ST13: variants seen among roughly 807,000 people sequenced by gnomAD.
ST13 encodes hsc70-interacting protein.
Under a neutral mutation model 56.7 loss-of-function variants are expected in ST13, and 23 were observed. The observed-to-expected ratio is 0.41, with a 90% confidence interval of 0.29 to 0.57. The LOEUF (loss-of-function observed/expected upper bound fraction) is 0.57, where lower values mean the gene tolerates loss of function less well. ST13 is among the 20% of genes least tolerant of loss of function. The pLI, the probability that ST13 is intolerant of heterozygous loss-of-function variation, is 0.36. For missense variants in ST13, 369 were observed against 459.9 expected (o/e 0.80, Z 1.81); for synonymous variants, 132 against 142.4 (o/e 0.93, Z 0.52).
At chr22:40,828,650 T>C (rs1007967218) in intron 10 of ST13, among the ~76,000 whole-genome samples, 2 of 151,776 alleles carry the variant, frequency 1.3e-5, no homozygotes, top group African/African-American at 2.4e-5. Context: ...AAAGACAACA[T>C]TAATGTATTC....
chr22:40,835,953 C>A, intron 5 of ST13, 66 bp from the exon 6 acceptor site: 1 of 1,244,980 alleles, frequency 8.0e-7, no homozygotes, highest in South Asian at 1.3e-5. Context: ...AAGTTTTGAT[C>A]TGTTATCCAG....
chr22:40,838,332 G>C (rs1737603323), intron 5 of ST13, among the ~76,000 whole-genome samples: 1 of 152,118 alleles, frequency 6.6e-6, no homozygotes, highest in Admixed American at 6.5e-5. Flanking sequence ...CTATACAATT[G>C]CATAAATTCT....
rs1418441874 is a variant in ST13 at position 40,851,001 on chromosome 22, G to C, written c.111-121C>G. Reference sequence around the variant, plus strand: ...ATGACTACCTTTTCAAAATTTAAAAGTAAACTCTCAATTAATCTGAATGCT... The same window carrying C: ...ATGACTACCTTTTCAAAATTTAAAACTAAACTCTCAATTAATCTGAATGCT... On this transcript the variant is annotated intron_variant, in intron 1 of 11. Coordinates refer to ENST00000216218, the MANE Select transcript of ST13 (RefSeq NM_003932.5). 4.5e-6 allele frequency: 3 copies of C among 666,812 alleles called. No homozygotes were observed. In the African/African-American group the frequency reaches 5.6e-5, roughly 12 times the overall value. The allele number at this position is 666,812 out of a possible 1,614,324, so 41.3% of individuals were successfully genotyped here.
rs1033150615 is a variant in ST13, at chr22:40,847,019, CA to C, written c.244+1274del. ...TTCCAAAAAAACCCCAAAAAAACAA[CA>C]AAAAAAAACTGATTCAAAATTTAAA... On this transcript the variant is annotated intron_variant, in intron 3 of 11. Transcript: ENST00000216218. Among the ~76,000 whole-genome samples, 11 of 150,460 alleles carry C rather than the reference CA, an allele frequency of 7.3e-5. No homozygotes were observed. The East Asian group carries it at 1.8e-3, about 24-fold the overall frequency.
chr22:40,842,463 A>G (rs1338920441), intron 4 of ST13, among the ~76,000 whole-genome samples: 1 of 152,268 alleles, frequency 6.6e-6, no homozygotes, highest in Non-Finnish European at 1.5e-5. Context: ...ATAACCAAGT[A>G]GACTTCAAAA....
chr22:40,842,104 G>A (rs2145742472), intron 4 of ST13, among the ~76,000 whole-genome samples: 1 of 152,276 alleles, frequency 6.6e-6, no homozygotes, highest in Non-Finnish European at 1.5e-5. Flanking sequence ...CAGAGCCACA[G>A]CCAGCCTTTC....
At chr22:40,851,463 C>T (rs1485368730) in intron 1 of ST13, among the ~76,000 whole-genome samples, 1 of 152,158 alleles carries the variant, frequency 6.6e-6, no homozygotes, top group Non-Finnish European at 1.5e-5. Flanking sequence ...ACCCTACAAA[C>T]TCTTCTTTCC....
At chr22:40,827,726 C>T (rs1414057850) in intron 10 of ST13, among the ~76,000 whole-genome samples, 1 of 151,906 alleles carries the variant, frequency 6.6e-6, no homozygotes, top group Non-Finnish European at 1.5e-5. Context: ...CTCTTGAACT[C>T]CTGACCCCAG....
chr22:40,851,250 A>C (rs2057859807), intron 1 of ST13, among the ~76,000 whole-genome samples: 1 of 152,220 alleles, frequency 6.6e-6, no homozygotes, highest in Admixed American at 6.5e-5. Flanking sequence ...TGAATCCTAA[A>C]TTTGAAACTT....
chr22:40,843,355 A>G (rs2057813869), intron 4 of ST13, among the ~76,000 whole-genome samples: 1 of 152,220 alleles, frequency 6.6e-6, no homozygotes, highest in African/African-American at 2.4e-5. Context: ...TGGAAAAACA[A>G]AAAGCCAAGA....
At chr22:40,854,570 A>T (rs185476133) in intron 1 of ST13, 51 of 152,238 alleles carry the variant, frequency 3.4e-4, no homozygotes, top group African/African-American at 1.2e-3. Flanking sequence ...AGGCACAATC[A>T]CTCCAGCACA....
At chr22:40,846,382 A>C (rs1385941372) in intron 3 of ST13, among the ~76,000 whole-genome samples, 1 of 152,182 alleles carries the variant, frequency 6.6e-6, no homozygotes, top group Non-Finnish European at 1.5e-5. Flanking sequence ...AACAAATTTC[A>C]AGTATACAGT....
chr22:40,834,136 G>A (rs1044772875), intron 7 of ST13, among the ~76,000 whole-genome samples: 1 of 151,944 alleles, frequency 6.6e-6, no homozygotes, highest in African/African-American at 2.4e-5. Flanking sequence ...CATTAGCTGG[G>A]CATGGTGGGG....
intron 7 of ST13, among the ~76,000 whole-genome samples, chr22:40,834,058 C>T (rs987082340): frequency 1.3e-5 from 2 of 152,162 alleles, no homozygotes; most frequent in Non-Finnish European, 2.9e-5. Flanking sequence ...GGGCAGATCA[C>T]TTGAGGCCAG....
chr22:40,832,576 T>C lies in ST13; in HGVS notation c.674A>G (p.Gln225Arg). 1.2e-6 allele frequency: 2 copies of C among 1,608,468 alleles called. No homozygotes were observed. The highest frequency in any genetic ancestry group is 8.5e-7 in the Non-Finnish European group (1 of 1,178,742). The change falls in exon 8 of 12, where the codon CAA becomes CGA. Residue 225 changes from glutamine (Q) to arginine (R), a missense_variant. Physicochemically the swap from Gln to Arg is conservative, Grantham distance 43. Around this residue, in one of 3 missense-constraint regions of ST13, gnomAD observed 64 missense variants for 125.1 expected, o/e 0.51. Coordinates refer to ENST00000216218, the MANE Select transcript of ST13 (RefSeq NM_003932.5). ...EDASAMLKEVQPRAQKIAEHR... is the reference protein window; with the variant it reads ...EDASAMLKEVRPRAQKIAEHR... ...TTCTCTACTTTGACATACCCTAGGT[T>C]GAACTTCTTTCAGCATTGCACTAGC...
chr22:40,848,783 T>C (rs2057846090), intron 2 of ST13, among the ~76,000 whole-genome samples: 1 of 152,204 alleles, frequency 6.6e-6, no homozygotes, highest in Non-Finnish European at 1.5e-5. Context: ...GTTTGAACAT[T>C]GACAATAAAC....
intron 4 of ST13, 149 bp from the exon 5 acceptor site, chr22:40,840,841 C>T: frequency 1.5e-6 from 1 of 652,730 alleles, no homozygotes; most frequent in Non-Finnish European, 2.6e-6. Flanking sequence ...ATTATGATAA[C>T]TCATTAGTGA....
intron 9 of ST13, 62 bp from the exon 10 acceptor site, chr22:40,829,736 C>T: frequency 1.1e-6 from 1 of 919,728 alleles, no homozygotes; most frequent in Non-Finnish European, 1.6e-6. Context: ...TCCATGCAAC[C>T]TGTCCATGCA....
At position 40,832,593 on chromosome 22, in the gene ST13, T is replaced by C. The variant is rs766953189; in HGVS notation, c.657A>G (p.Ala219=). The C allele has an allele frequency of 9.3e-6, 15 of 1,608,206 alleles. No homozygotes were observed. In the South Asian group the frequency reaches 1.5e-4, roughly 16 times the overall value. ...CCCTAGGTTGAACTTCTTTCAGCATTGCACTAGCATCTTCATCATAATCCA... is the reference window on the plus strand; with the variant it reads ...CCCTAGGTTGAACTTCTTTCAGCATCGCACTAGCATCTTCATCATAATCCA... ...CKLDYDEDAS[A]MLKEVQPRAQ... is the part of the protein sequence containing the mutation. The change falls in exon 8 of 12, where the codon GCA becomes GCG. Residue 219 remains alanine, a synonymous_variant. Transcript: ENST00000216218.
Sources: allele counts gnomAD v4.1 joint callset (sites outside exome capture counted in the v4.1 genomes callset), GRCh38; gene constraint gnomAD v4.1.1; regional missense constraint gnomAD v4.1.1; transcripts MANE v1.5; gene names NCBI Gene and HGNC (gene_info 2026-07-23, HGNC 2026-07-21).